The following ACVR1B variants were observed in gnomAD, a reference collection of about 807,000 sequenced individuals.
ACVR1B encodes the protein activin A receptor type 1B.
In ACVR1B, 15 loss-of-function variants were observed where a neutral mutation model predicts 55.6. That is an observed-to-expected ratio of 0.27 (90% confidence interval 0.18 to 0.42). The LOEUF is 0.42. Among genes scored for constraint, ACVR1B ranks in the 10% least tolerant of loss-of-function variants. The pLI is 1.00. For missense variants in ACVR1B, 359 were observed against 670.1 expected (o/e 0.54, Z 5.13); for synonymous variants, 247 against 254.6 (o/e 0.97, Z 0.28).
chr12:51,992,172 C>A, intron 8 of ACVR1B, 179 bp downstream of exon 8: 1 of 786,778 alleles, frequency 1.3e-6, no homozygotes, highest in Non-Finnish European at 2.0e-6. Context: ...TTGTCCTGGA[C>A]CCTGTAGGGT....
rs2120773490 is a variant in ACVR1B at position 51,994,119 on chromosome 12, T to C, written c.*9T>C. ...AAGACGTGAAGATCTAACTGCTCCC[T>C]CTCTCCACACGGAGCTCCTGGCAGC... is the stretch of plus-strand genomic sequence containing the variant. On this transcript the variant is annotated 3_prime_UTR_variant, in exon 9 of 9. Coordinates refer to ENST00000257963, the MANE Select transcript of ACVR1B (RefSeq NM_004302.5). The surrounding 1 kb of genome is among the most constrained non-coding windows in gnomAD (Gnocchi z 4.2). 6 of 1,612,768 alleles carry C rather than the reference T, an allele frequency of 3.7e-6. No homozygotes were observed. Among genetic ancestry groups the C allele is most frequent in the Non-Finnish European group, 5.1e-6 (6 of 1,179,962 alleles).
chr12:51,962,367 G>A lies in ACVR1B; in HGVS notation c.91+10533G>A, dbSNP rs144011179. ...ACTTTTTACCAGTACATTTGTTGTT[G>A]TTGTTGTTGTTTTTCTGTATACCAC... On this transcript the variant is annotated intron_variant, in intron 1 of 8. Coordinates refer to ENST00000257963, the MANE Select transcript of ACVR1B (RefSeq NM_004302.5). Among the ~76,000 whole-genome samples the A allele has an allele frequency of 2.4e-4, 36 of 151,576 alleles. 1 individual carries two copies. In the East Asian group the frequency reaches 6.8e-3, roughly 29 times the overall value.
chr12:51,980,829 G>A, intron 3 of ACVR1B, 140 bp from the exon 4 acceptor site: 1 of 675,566 alleles, frequency 1.5e-6, no homozygotes, highest in Non-Finnish European at 2.5e-6. Context: ...TGTATGGGCA[G>A]CAGCAGCTCT....
rs1282405894 is a variant in ACVR1B at position 51,994,468 on chromosome 12, T to A, written c.*358T>A. On this transcript the variant is annotated 3_prime_UTR_variant, in exon 9 of 9. Coordinates refer to ENST00000257963, the MANE Select transcript of ACVR1B (RefSeq NM_004302.5). This position sits in a 1 kb window ranked among gnomAD's most constrained non-coding sequence, Gnocchi z 4.2. ...GGAGGGGCCGGAGGAACCGAGGTGT[T>A]GCCAGTGCTAAGCTGCCCTGAGGGT... 4.3e-5 allele frequency: 12 copies of A among 278,960 alleles called. No individual in the cohort carries two copies. In the Admixed American group the frequency reaches 5.6e-4, roughly 13 times the overall value. The allele number at this position is 278,960 out of a possible 1,614,324, so 17.3% of individuals were successfully genotyped here.
intron 1 of ACVR1B, among the ~76,000 whole-genome samples, chr12:51,963,461 G>A (rs1055068054): frequency 2.0e-5 from 3 of 152,168 alleles, no homozygotes; most frequent in Non-Finnish European, 4.4e-5. Flanking sequence ...GGCCAGGCTG[G>A]TTTCGACTGT....
At chr12:51,964,879 A>G (rs369558421) in intron 1 of ACVR1B, among the ~76,000 whole-genome samples, 32 of 152,230 alleles carry the variant, frequency 2.1e-4, no homozygotes, top group African/African-American at 7.2e-4. Flanking sequence ...AGCTTAAATC[A>G]AGAAGTATGA....
At chr12:51,984,528 T>C (rs2120695203) in intron 5 of ACVR1B, among the ~76,000 whole-genome samples, 1 of 152,242 alleles carries the variant, frequency 6.6e-6, no homozygotes, top group East Asian at 1.9e-4. Flanking sequence ...AACATCAGTT[T>C]AGTGATTTCC....
chr12:51,984,841 A>G (rs141957892), intron 5 of ACVR1B, among the ~76,000 whole-genome samples: 75 of 152,354 alleles, frequency 4.9e-4, no homozygotes, highest in African/African-American at 1.8e-3. Flanking sequence ...CATTGCAGCA[A>G]CTTCCCTTCA....
intron 1 of ACVR1B, among the ~76,000 whole-genome samples, chr12:51,952,246 C>T (rs1941312796): frequency 6.6e-6 from 1 of 152,134 alleles, no homozygotes; most frequent in African/African-American, 2.4e-5. Flanking sequence ...GGGCGTCTTT[C>T]TCCCGCCAAG....
At chr12:51,967,239 C>CA (rs534979067) in intron 1 of ACVR1B, among the ~76,000 whole-genome samples, 3,019 of 143,488 alleles carry the variant, frequency 0.021, 38 homozygotes, top group Non-Finnish European at 0.023. Flanking sequence ...GACTCCGTCT[C>CA]AAAAAAAAAC....
chr12:51,952,238 G>A (rs1413895986), intron 1 of ACVR1B, among the ~76,000 whole-genome samples: 3 of 152,138 alleles, frequency 2.0e-5, no homozygotes, highest in Non-Finnish European at 4.4e-5. Context: ...CTCCTGGGGG[G>A]CGTCTTTCTC....
At chr12:51,964,588 A>G (rs1000633244) in intron 1 of ACVR1B, among the ~76,000 whole-genome samples, 1 of 152,138 alleles carries the variant, frequency 6.6e-6, no homozygotes, top group Non-Finnish European at 1.5e-5. Flanking sequence ...TTAGAAGTTT[A>G]AGTTTTAGTT....
intron 3 of ACVR1B, among the ~76,000 whole-genome samples, chr12:51,978,488 G>A (rs1941910907): frequency 1.3e-5 from 2 of 152,096 alleles, no homozygotes; most frequent in South Asian, 2.1e-4. Flanking sequence ...ATTTAAATAA[G>A]TATATACTGA....
At chr12:51,958,935 G>A (rs904725963) in intron 1 of ACVR1B, among the ~76,000 whole-genome samples, 6 of 152,198 alleles carry the variant, frequency 3.9e-5, no homozygotes, top group African/African-American at 1.4e-4. Flanking sequence ...TATTTATTGA[G>A]CACCTGTCAT....
In ACVR1B at chr12:51,985,174, T is replaced by C. The variant is rs1233613610; in HGVS notation, c.980-18T>C. 1.2e-6 allele frequency: 2 copies of C among 1,600,160 alleles called. No homozygotes were observed. On this transcript the variant is annotated intron_variant, in intron 5 of 8. Transcript: ENST00000257963. Reference sequence around the variant, plus strand: ...TATATCATCTCTTTGTAAAGATCCCTGTTTTTTTCTCTGCCAGGGAAGCCT... The same window carrying C: ...TATATCATCTCTTTGTAAAGATCCCCGTTTTTTTCTCTGCCAGGGAAGCCT...
At chr12:51,955,874 T>TA (rs1210123880) in intron 1 of ACVR1B, among the ~76,000 whole-genome samples, 3 of 152,358 alleles carry the variant, frequency 2.0e-5, no homozygotes, top group Non-Finnish European at 2.9e-5. Context: ...AAGTCCAACT[T>TA]ACATTTCTCT....
intron 3 of ACVR1B, among the ~76,000 whole-genome samples, chr12:51,980,029 A>G (rs531395024): frequency 6.6e-6 from 1 of 152,250 alleles, no homozygotes; most frequent in African/African-American, 2.4e-5. Flanking sequence ...ATAGAGTCAG[A>G]CAGTCCTAGA....
chr12:51,990,711 T>G (rs954214188), intron 7 of ACVR1B, among the ~76,000 whole-genome samples: 8 of 152,206 alleles, frequency 5.3e-5, no homozygotes, highest in Non-Finnish European at 1.2e-4. Flanking sequence ...CCAATAAGTT[T>G]TATCCCCTGC....
chr12:51,988,197 C>T (rs1942119062), intron 7 of ACVR1B, among the ~76,000 whole-genome samples: 2 of 152,186 alleles, frequency 1.3e-5, no homozygotes, highest in Admixed American at 1.3e-4. Context: ...AGGCCAGGCG[C>T]AGTGGCTCAC....
Sources: allele counts gnomAD v4.1 joint callset (sites outside exome capture counted in the v4.1 genomes callset), GRCh38; gene constraint gnomAD v4.1.1; non-coding constraint Gnocchi (gnomAD v3.1); transcripts MANE v1.5; gene names NCBI Gene and HGNC (gene_info 2026-07-23, HGNC 2026-07-21).